The following CNTNAP2 variants were observed in gnomAD, a reference collection of about 807,000 sequenced individuals.
The protein encoded by CNTNAP2 is contactin-associated protein-like 2.
In CNTNAP2, 98 loss-of-function variants were observed where a neutral mutation model predicts 155.2. That is an observed-to-expected ratio of 0.63 (90% CI 0.54 to 0.75). The LOEUF (loss-of-function observed/expected upper bound fraction) is 0.75. Ranked by LOEUF, CNTNAP2 falls within the 30% of genes least tolerant of loss-of-function variation. The probability of loss-of-function intolerance (pLI) is 0.00; values close to 1 mark genes in which losing one functional copy is unlikely to be tolerated. For missense variants in CNTNAP2, 1,727 were observed against 1,688.1 expected (o/e 1.02, Z -0.40); for synonymous variants, 651 against 631.2 (o/e 1.03, Z -0.47).
chr7:146,559,431 G>A (rs1256368429), intron 1 of CNTNAP2, among the ~76,000 whole-genome samples: 1 of 152,020 alleles, frequency 6.6e-6, no homozygotes, highest in African/African-American at 2.4e-5. Context: ...AACTGGGTGT[G>A]TTGGCGTGTG....
intron 13 of CNTNAP2, among the ~76,000 whole-genome samples, chr7:147,826,535 A>T (rs186589131): frequency 2.6e-5 from 4 of 152,230 alleles, no homozygotes; most frequent in Admixed American, 2.6e-4. Flanking sequence ...GCCATAGCAC[A>T]TGCTATATAT....
At chr7:147,569,097 T>C (rs1237017590) in intron 12 of CNTNAP2, among the ~76,000 whole-genome samples, 1 of 152,032 alleles carries the variant, frequency 6.6e-6, no homozygotes, top group African/African-American at 2.4e-5. Context: ...GTTTACATAA[T>C]TTGTGCTTTA....
At chr7:148,271,369 C>T (rs1029300304) in intron 21 of CNTNAP2, among the ~76,000 whole-genome samples, 5 of 152,130 alleles carry the variant, frequency 3.3e-5, no homozygotes, top group African/African-American at 9.7e-5. Flanking sequence ...TGGCCTTTAC[C>T]CACTAGATAT....
chr7:147,708,209 AC>A (rs1028192079), intron 13 of CNTNAP2, among the ~76,000 whole-genome samples: 1 of 152,028 alleles, frequency 6.6e-6, no homozygotes, highest in African/African-American at 2.4e-5. Context: ...TTCAAGCTTG[AC>A]CCTGGGAACA....
intron 1 of CNTNAP2, among the ~76,000 whole-genome samples, chr7:146,512,156 T>C (rs1326408926): frequency 1.3e-5 from 2 of 151,962 alleles, no homozygotes; most frequent in Non-Finnish European, 2.9e-5. Flanking sequence ...CATTTTTTAT[T>C]TTATTTATTT....
intron 10 of CNTNAP2, among the ~76,000 whole-genome samples, chr7:147,475,142 T>G (rs1584756701): frequency 6.6e-6 from 1 of 152,330 alleles, no homozygotes; most frequent in East Asian, 1.9e-4. Context: ...TTCTAACCAA[T>G]AAATATTTTT....
chr7:146,825,968 C>T (rs1295879479), intron 2 of CNTNAP2, among the ~76,000 whole-genome samples: 1 of 151,994 alleles, frequency 6.6e-6, no homozygotes, highest in Non-Finnish European at 1.5e-5. Flanking sequence ...GACATTATTG[C>T]CTGTTTAATA....
At chr7:147,685,659 A>G (rs1796007754) in intron 13 of CNTNAP2, among the ~76,000 whole-genome samples, 1 of 152,064 alleles carries the variant, frequency 6.6e-6, no homozygotes, top group South Asian at 2.1e-4. Context: ...GGGGGAATAA[A>G]AAAACAGAAA....
chr7:147,221,851 A>G (rs1803408819), intron 8 of CNTNAP2, among the ~76,000 whole-genome samples: 4 of 152,142 alleles, frequency 2.6e-5, no homozygotes. Flanking sequence ...TAGTTTCACA[A>G]GGTACAGGAT....
intron 19 of CNTNAP2, among the ~76,000 whole-genome samples, chr7:148,218,632 G>A (rs1180660324): frequency 1.1e-4 from 16 of 152,066 alleles, no homozygotes; most frequent in African/African-American, 3.1e-4. Flanking sequence ...GGACTCAAGC[G>A]ATCCTCCTGC....
chr7:146,977,166 G>A lies in CNTNAP2; in HGVS notation c.403-66741G>A, dbSNP rs549497962. Among the ~76,000 whole-genome samples the A allele has an allele frequency of 1.4e-4, 22 of 152,082 alleles. No homozygotes were observed. In the Middle Eastern group the frequency reaches 0.014, roughly 95 times the overall value. ...ACATAAAATAATAATGAAAAAGGGAGGAGGCTACTATTGTTTATGACTCAA... is the reference window on the plus strand; with the variant it reads ...ACATAAAATAATAATGAAAAAGGGAAGAGGCTACTATTGTTTATGACTCAA... On this transcript the variant is annotated intron_variant, in intron 3 of 23. Transcript: ENST00000361727.
intron 1 of CNTNAP2, among the ~76,000 whole-genome samples, chr7:146,756,230 A>G (rs924962173): frequency 2.3e-4 from 35 of 152,004 alleles, no homozygotes; most frequent in Non-Finnish European, 3.2e-4. Flanking sequence ...AATTTATGAT[A>G]AAAACATGAA....
intron 14 of CNTNAP2, among the ~76,000 whole-genome samples, chr7:147,932,801 C>A (rs1043998890): frequency 2.0e-5 from 3 of 152,122 alleles, no homozygotes; most frequent in Non-Finnish European, 2.9e-5. Flanking sequence ...AAAATATTTG[C>A]AAACCACATA....
At chr7:147,757,936 T>G (rs985933165) in intron 13 of CNTNAP2, among the ~76,000 whole-genome samples, 22 of 152,268 alleles carry the variant, frequency 1.4e-4, no homozygotes, top group Non-Finnish European at 1.6e-4. Context: ...TAGCACTTTA[T>G]CAGGAAGGCC....
intron 1 of CNTNAP2, among the ~76,000 whole-genome samples, chr7:146,244,479 C>A (rs902101361): frequency 6.6e-6 from 1 of 152,104 alleles, no homozygotes; most frequent in Non-Finnish European, 1.5e-5. Flanking sequence ...GCTCAAATGG[C>A]CTGTACCTTG....
intron 15 of CNTNAP2, among the ~76,000 whole-genome samples, chr7:148,010,383 T>G (rs537104291): frequency 5.9e-4 from 89 of 152,074 alleles, no homozygotes; most frequent in African/African-American, 1.8e-3. Context: ...AATTCATCCA[T>G]TTTCCTTTTT....
At chr7:147,548,384 G>T (rs999144446) in intron 11 of CNTNAP2, among the ~76,000 whole-genome samples, 1 of 152,140 alleles carries the variant, frequency 6.6e-6, no homozygotes, top group Non-Finnish European at 1.5e-5. Context: ...TCATATGTTT[G>T]TTGGGAGCCT....
intron 4 of CNTNAP2, among the ~76,000 whole-genome samples, chr7:147,053,257 C>T (rs1425302252): frequency 6.6e-6 from 1 of 152,000 alleles, no homozygotes; most frequent in African/African-American, 2.4e-5. Flanking sequence ...TTGAGGGTGA[C>T]ATTTGAAATG....
chr7:146,482,847 T>G (rs1179045569), intron 1 of CNTNAP2, among the ~76,000 whole-genome samples: 1 of 152,114 alleles, frequency 6.6e-6, no homozygotes, highest in Non-Finnish European at 1.5e-5. Flanking sequence ...ATATTATACA[T>G]ACTCATGGTC....
Sources: allele counts gnomAD v4.1 joint callset (sites outside exome capture counted in the v4.1 genomes callset), GRCh38; gene constraint gnomAD v4.1.1; transcripts MANE v1.5; gene names NCBI Gene and HGNC (gene_info 2026-07-23, HGNC 2026-07-21).